The following LHX3 variants were observed in gnomAD, a reference collection of about 807,000 sequenced individuals.
LHX3 encodes LIM/homeobox protein Lhx3.
A neutral mutation model predicts 32.4 loss-of-function variants in LHX3; 21 were observed. The observed-to-expected ratio is 0.65, with a 90% CI of 0.46 to 0.93. The LOEUF is 0.93. LHX3 is among the 40% of genes least tolerant of loss of function. LHX3 has a pLI of 0.00. For synonymous variants in LHX3, 258 were observed against 246.8 expected, an observed-to-expected ratio of 1.05 and a Z score of -0.43; for missense variants, 626 against 560.0, an observed-to-expected ratio of 1.12 and a Z score of -1.19.
At chr9:136,202,813 C>T in intron 1 of LHX3, 5 of 1,046,728 alleles carry the variant, frequency 4.8e-6, no homozygotes, top group Non-Finnish European at 5.7e-6. Context: ...GGCGCCCAGG[C>T]GCGGACGTTC....
At chr9:136,202,340 G>A (rs1399899433) in intron 1 of LHX3, among the ~76,000 whole-genome samples, 1 of 151,636 alleles carries the variant, frequency 6.6e-6, no homozygotes, top group African/African-American at 2.4e-5. Flanking sequence ...CCCGGGAGTC[G>A]AGGAGAACTG....
rs1043249303 is a variant in LHX3, at chr9:136,197,086, T to C, written c.*239A>G. ...GGTCAATAAAGGGGAGAAATTTGCT[T>C]ACAAAAAAGGCTGGCTTGCTGGGAG... On this transcript the variant is annotated 3_prime_UTR_variant, in exon 6 of 6. Transcript: ENST00000371748. 80 of 588,980 alleles carry C rather than the reference T, an allele frequency of 1.4e-4. No homozygotes were observed. The highest frequency in any genetic ancestry group is 1.3e-3 in the African/African-American group (71 of 53,686). 36.5% of individuals were successfully genotyped at this position (588,980 alleles called of 1,614,324 possible). A position where few individuals can be genotyped will look rare whatever the true frequency, so the allele number is the denominator to read the frequency against.
At position 136,198,928 on chromosome 9, in the gene LHX3, G is replaced by T; in HGVS notation, c.586C>A (p.Leu196Met). The T allele has an allele frequency of 6.3e-7, 1 of 1,588,482 alleles. No homozygotes were observed. Residue 196 changes from leucine (L) to methionine (M), a missense_variant, in exon 4 of 6, where the codon CTG becomes ATG. Physicochemically the swap from Leu to Met is conservative, Grantham distance 15. Coordinates refer to ENST00000371748, the MANE Select transcript of LHX3 (RefSeq NM_178138.6). Reference protein sequence around the residue: ...VREQLSSETGLDMRVVQVWFQ... With the variant: ...VREQLSSETGMDMRVVQVWFQ... ...CTGACCTGCACCACGCGCATGTCCA[G>T]GCCCGTCTCGGACGAGAGCTGCTCG...
intron 1 of LHX3, among the ~76,000 whole-genome samples, chr9:136,204,683 T>A (rs1400447550): frequency 6.6e-6 from 1 of 152,168 alleles, no homozygotes; most frequent in African/African-American, 2.4e-5. Context: ...GCCCCCCAGC[T>A]GTGCCTGCGA....
chr9:136,198,580 G>A (rs984209238), intron 5 of LHX3, 72 bp downstream of exon 5: 21 of 1,482,158 alleles, frequency 1.4e-5, no homozygotes, highest in Non-Finnish European at 1.8e-5. Flanking sequence ...AGATCCGCGG[G>A]CTCCCTGGGA....
chr9:136,201,101 C>A lies in LHX3; in HGVS notation c.80-348G>T. ...ATGTGGAGCTCAAATGAAAACCCCA[C>A]CCCAGGGGGATCTGCTCTCTGAAGC... On this transcript the variant is annotated intron_variant, in intron 1 of 5. Coordinates refer to ENST00000371748, the MANE Select transcript of LHX3 (RefSeq NM_178138.6). 3 of 1,406,858 alleles carry A rather than the reference C, an allele frequency of 2.1e-6. 1 individual carries two copies. The South Asian group carries it at 4.8e-5, about 23-fold the overall frequency. 87.1% of individuals were successfully genotyped at this position (1,406,858 alleles called of 1,614,324 possible).
intron 1 of LHX3, 80 bp from the exon 2 acceptor site, chr9:136,200,833 T>A (rs4842131): frequency 6.6e-7 from 1 of 1,519,920 alleles, no homozygotes. Context: ...CGCGAGCCAG[T>A]CTCCCCTCCG....
rs1019980396 is a variant in LHX3 at position 136,204,430 on chromosome 9, G to T, written c.79+504C>A. On this transcript the variant is annotated intron_variant, in intron 1 of 5. Coordinates refer to ENST00000371748, the MANE Select transcript of LHX3 (RefSeq NM_178138.6). ...AGGGGTCGTGTGTGGCAGGACTGGG[G>T]AAGGGGCGGCGGCAGGTTAAGGAGG... Among the ~76,000 whole-genome samples, 81 of 152,350 alleles carry T rather than the reference G, an allele frequency of 5.3e-4. 1 individual carries two copies. The highest frequency in any genetic ancestry group is 1.9e-3 in the African/African-American group (81 of 41,588).
rs975323924 is a variant in LHX3 at position 136,200,502 on chromosome 9, C to G, written c.251+80G>C. 2.1e-6 allele frequency: 3 copies of G among 1,461,790 alleles called. No homozygotes were observed. The African/African-American group carries it at 4.2e-5, about 20-fold the overall frequency. The allele number at this position is 1,461,790 out of a possible 1,614,324, so 90.6% of individuals were successfully genotyped here. A position where few individuals can be genotyped will look rare whatever the true frequency, so the allele number is the denominator to read the frequency against. On this transcript the variant is annotated intron_variant, in intron 2 of 5. Transcript: ENST00000371748. ...AGAGACGCAGGCTTCGAGGGCCTGG[C>G]CTTGGTGATTGTGAGGGGAGGAGTC...
At chr9:136,203,455 C>A (rs945847510) in intron 1 of LHX3, among the ~76,000 whole-genome samples, 14 of 152,322 alleles carry the variant, frequency 9.2e-5, no homozygotes, top group African/African-American at 3.4e-4. Context: ...CTGGAGCACA[C>A]GCCAGGAGGG....
chr9:136,197,330 A>T lies in LHX3; in HGVS notation c.1189T>A (p.Phe397Ile). Residue 397 changes from phenylalanine to isoleucine, a missense_variant, in exon 6 of 6, where the codon TTC becomes ATC. Transcript: ENST00000371748. ...SWLDEVDHAQ[F>I] is the part of the protein sequence containing the mutation. Reference sequence around the variant, plus strand: ...AGGGTGGAGCCGGGCCTGGGTCAGAACTGAGCGTGGTCTACCTCATCCAGC... The same window carrying T: ...AGGGTGGAGCCGGGCCTGGGTCAGATCTGAGCGTGGTCTACCTCATCCAGC... 6.2e-7 allele frequency: 1 copy of T among 1,611,806 alleles called. No homozygotes were observed. Among genetic ancestry groups the T allele is most frequent in the Non-Finnish European group, 8.5e-7 (1 of 1,179,882 alleles).
rs1831591468 is a variant in LHX3, at chr9:136,199,744, C to T, written c.388G>A (p.Glu130Lys). 3.4e-5 allele frequency: 55 copies of T among 1,612,802 alleles called. No homozygotes were observed. The East Asian group carries it at 1.2e-3, about 35-fold the overall frequency. ...VCKRQLATGD[E>K]FYLMEDSRLV... ...CGGCTGTCCTCCATGAGGTAGAACT[C>T]GTCGCCCGTGGCCAGCTGCCGCTTG... Residue 130 changes from glutamate to lysine, a missense_variant, in exon 3 of 6, where the codon GAG becomes AAG. By Grantham distance (56) the Glu-to-Lys change is moderately conservative. Transcript: ENST00000371748.
intron 3 of LHX3, 71 bp downstream of exon 3, chr9:136,199,607 C>T (rs1831586590): frequency 6.6e-7 from 1 of 1,520,658 alleles, no homozygotes; most frequent in Non-Finnish European, 9.1e-7. Context: ...CCCCGGACGC[C>T]CCCCTGGGCG....
At chr9:136,202,334 G>A (rs79198012) in intron 1 of LHX3, among the ~76,000 whole-genome samples, 20,113 of 151,862 alleles carry the variant, frequency 0.13, 1,338 homozygotes, top group Middle Eastern at 0.27. Context: ...AGCTGGCCCG[G>A]GAGTCGAGGA....
intron 1 of LHX3, chr9:136,203,058 T>C (rs1330640752): frequency 6.6e-7 from 1 of 1,515,168 alleles, no homozygotes; most frequent in African/African-American, 1.4e-5. Flanking sequence ...CCGCCCGGCG[T>C]CGCCACTCTC....
chr9:136,203,680 C>A (rs1312608733), intron 1 of LHX3, among the ~76,000 whole-genome samples: 1 of 152,204 alleles, frequency 6.6e-6, no homozygotes, highest in African/African-American at 2.4e-5. Context: ...CGGCCCCGGA[C>A]GGCTCAGGGA....
intron 1 of LHX3, among the ~76,000 whole-genome samples, chr9:136,202,262 C>T (rs903846035): frequency 1.3e-5 from 2 of 152,214 alleles, no homozygotes; most frequent in South Asian, 2.1e-4. Flanking sequence ...ACCCCCTTCC[C>T]GCCGGCCGGT....
intron 3 of LHX3, 116 bp downstream of exon 3, chr9:136,199,562 C>T: frequency 8.8e-7 from 1 of 1,135,556 alleles, no homozygotes; most frequent in South Asian, 1.3e-5. Flanking sequence ...CGCCCTAGCC[C>T]AGGCCCCCTT....
rs2131034740 is a variant in LHX3, at chr9:136,199,838, C to G, written c.294G>C (p.Pro98=). 1 of 1,608,352 alleles carries G rather than the reference C, an allele frequency of 6.2e-7. No individual in the cohort carries two copies. The highest frequency in any genetic ancestry group is 8.5e-7 in the Non-Finnish European group (1 of 1,177,670). ...GGGCGCGGCGCACCACCTGCGTGGGCGGGATGCCCAGCTGGCACGCGGCGC... is the reference window on the plus strand; with the variant it reads ...GGGCGCGGCGCACCACCTGCGTGGGGGGGATGCCCAGCTGGCACGCGGCGC... ...TKCAACQLGI[P]PTQVVRRAQD... Residue 98 remains proline (P), a synonymous_variant, in exon 3 of 6, where the codon CCG becomes CCC. Coordinates refer to ENST00000371748, the MANE Select transcript of LHX3 (RefSeq NM_178138.6).
Sources: gnomAD v4.1 joint callset for allele counts (sites outside exome capture counted in the v4.1 genomes callset) on GRCh38, gnomAD v4.1.1 for gene constraint, MANE v1.5 for transcripts, NCBI Gene and HGNC (gene_info 2026-07-23, HGNC 2026-07-21) for gene names.